GRAMD4: variants seen among roughly 807,000 people sequenced by gnomAD.
GRAMD4 encodes GRAM domain-containing protein 4.
In GRAMD4, 25 loss-of-function variants were observed where a neutral mutation model predicts 83.9. The ratio of observed to expected loss-of-function variants is 0.30; its 90% CI spans 0.22 to 0.42. The LOEUF (loss-of-function observed/expected upper bound fraction) is 0.42. Ranked by LOEUF, GRAMD4 falls within the 10% of genes least tolerant of loss-of-function variation. The probability of loss-of-function intolerance (pLI) is 1.00; values close to 1 mark genes in which losing one functional copy is unlikely to be tolerated. For missense variants in GRAMD4, 593 were observed against 788.7 expected (o/e 0.75, Z 2.97); for synonymous variants, 336 against 320.9 (o/e 1.05, Z -0.50).
intron 3 of GRAMD4, among the ~76,000 whole-genome samples, chr22:46,639,671 CGTGT>C (rs146371575): frequency 5.8e-4 from 87 of 150,458 alleles, no homozygotes; most frequent in East Asian, 2.0e-4. Context: ...GCAGTATTAC[CGTGT>C]GTGTGTGTGC....
At chr22:46,638,579 C>T (rs1331502770) in intron 3 of GRAMD4, among the ~76,000 whole-genome samples, 1 of 152,230 alleles carries the variant, frequency 6.6e-6, no homozygotes, top group African/African-American at 2.4e-5. Flanking sequence ...CCTGTGTCCT[C>T]CCTGTTGTCC....
At position 46,677,473 on chromosome 22, in the gene GRAMD4, G is replaced by T; in HGVS notation, c.*222G>T. On this transcript the variant is annotated 3_prime_UTR_variant, in exon 19 of 19. Transcript: ENST00000406902. ...GCCCCTCTCCCACAGGGCACGTCAG[G>T]TGCCTCTGAGGGCCACCCGCAGACT... 3 of 1,312,418 alleles carry T rather than the reference G, an allele frequency of 2.3e-6. No individual in the cohort carries two copies. Among genetic ancestry groups the T allele is most frequent in the Non-Finnish European group, 1.9e-6 (2 of 1,028,546 alleles). 81.3% of individuals were successfully genotyped at this position (1,312,418 alleles called of 1,614,324 possible). A position where few individuals can be genotyped will look rare whatever the true frequency, so the allele number is the denominator to read the frequency against.
rs2082351275 is a variant in GRAMD4 at position 46,662,986 on chromosome 22, CA to C, written c.467-53del. On this transcript the variant is annotated intron_variant, in intron 5 of 18. Transcript: ENST00000406902. ...TGCCCTGAGATCCCGGAGCCGACCC[CA>C]GAACAGGCAGTGCAGCCCTGCCGTG... 2.6e-6 allele frequency: 4 copies of C among 1,526,762 alleles called. No homozygotes were observed. The South Asian group carries it at 3.7e-5, about 14-fold the overall frequency. The allele number at this position is 1,526,762 out of a possible 1,614,324, so 94.6% of individuals were successfully genotyped here. A position where few individuals can be genotyped will look rare whatever the true frequency, so the allele number is the denominator to read the frequency against.
At chr22:46,626,400 T>C (rs2081659975) in intron 1 of GRAMD4, among the ~76,000 whole-genome samples, 1 of 151,846 alleles carries the variant, frequency 6.6e-6, no homozygotes, top group African/African-American at 2.4e-5. Flanking sequence ...CTGAGAACCC[T>C]GGCTTCCTTC....
intron 1 of GRAMD4, among the ~76,000 whole-genome samples, chr22:46,597,697 G>A (rs1454653866): frequency 6.6e-6 from 1 of 151,996 alleles, no homozygotes; most frequent in East Asian, 1.9e-4. Flanking sequence ...CACCGTGTTA[G>A]CCAGGATGGT....
Position 46,661,505 on chromosome 22 carries a change from G to A in GRAMD4, c.466+63G>A, listed in dbSNP as rs1337347744. 3 of 1,129,660 alleles carry A rather than the reference G, an allele frequency of 2.7e-6. No homozygotes were observed. In the African/African-American group the frequency reaches 4.5e-5, roughly 17 times the overall value. 70.0% of individuals were successfully genotyped at this position (1,129,660 alleles called of 1,614,324 possible). A position where few individuals can be genotyped will look rare whatever the true frequency, so the allele number is the denominator to read the frequency against. On this transcript the variant is annotated intron_variant, in intron 5 of 18. Coordinates refer to ENST00000406902, the MANE Select transcript of GRAMD4 (RefSeq NM_015124.5). The stretch of plus-strand genomic sequence containing the variant: ...GGTGGGTGGCTGCGCGTCACCTGCT[G>A]GTTCTGTAGGCCCAGGTTAACAATG...
chr22:46,641,043 A>G (rs1036761799), intron 3 of GRAMD4, among the ~76,000 whole-genome samples: 1 of 150,534 alleles, frequency 6.6e-6, no homozygotes, highest in Admixed American at 6.6e-5. Context: ...TCCAGCCCGG[A>G]TGACAGAGCG....
intron 15 of GRAMD4, 22 bp downstream of exon 15, chr22:46,673,836 G>A: frequency 6.2e-7 from 1 of 1,611,778 alleles, no homozygotes; most frequent in Non-Finnish European, 8.5e-7. Context: ...GTGAGTCTGA[G>A]GCCAGGCCGA....
intron 13 of GRAMD4, among the ~76,000 whole-genome samples, chr22:46,670,029 T>C (rs2082478223): frequency 6.6e-6 from 1 of 152,236 alleles, no homozygotes; most frequent in South Asian, 2.1e-4. Flanking sequence ...GGGACTCGCC[T>C]GAGCCCACGC....
At chr22:46,613,531 C>T (rs752871722) in intron 1 of GRAMD4, among the ~76,000 whole-genome samples, 1 of 152,218 alleles carries the variant, frequency 6.6e-6, no homozygotes, top group Non-Finnish European at 1.5e-5. Flanking sequence ...GTTTTGGGTC[C>T]TCCAGGCAGG....
intron 3 of GRAMD4, among the ~76,000 whole-genome samples, chr22:46,656,809 C>T (rs986183917): frequency 2.0e-5 from 3 of 152,248 alleles, no homozygotes; most frequent in Admixed American, 6.5e-5. Flanking sequence ...TCTCCTGCTG[C>T]CATTGCCATT....
At chr22:46,612,676 G>A (rs1404500077) in intron 1 of GRAMD4, among the ~76,000 whole-genome samples, 1 of 152,254 alleles carries the variant, frequency 6.6e-6, no homozygotes, top group African/African-American at 2.4e-5. Flanking sequence ...CCGAGGGTTA[G>A]GACTGGCTTG....
chr22:46,579,405 G>T (rs1252584157), intron 1 of GRAMD4, among the ~76,000 whole-genome samples: 1 of 152,228 alleles, frequency 6.6e-6, no homozygotes, highest in Admixed American at 6.5e-5. Context: ...CTGTAGAATA[G>T]AATAGAATAG....
At chr22:46,675,699 G>A (rs2082586859) in intron 17 of GRAMD4, 147 bp downstream of exon 17, 7 of 647,136 alleles carry the variant, frequency 1.1e-5, no homozygotes, top group Non-Finnish European at 1.7e-5. Context: ...CCGTTTCCTT[G>A]ACTTGAGTCC....
At chr22:46,603,954 T>G (rs1488384518) in intron 1 of GRAMD4, among the ~76,000 whole-genome samples, 1 of 152,226 alleles carries the variant, frequency 6.6e-6, no homozygotes, top group Non-Finnish European at 1.5e-5. Flanking sequence ...TGGTCTAATC[T>G]GAATTTATTT....
chr22:46,577,584 GA>G (rs1349320405), intron 1 of GRAMD4, among the ~76,000 whole-genome samples: 1 of 151,894 alleles, frequency 6.6e-6, no homozygotes, highest in Admixed American at 6.5e-5. Flanking sequence ...GCGGGGCCCG[GA>G]CTGGGGTGGG....
intron 2 of GRAMD4, among the ~76,000 whole-genome samples, chr22:46,633,240 G>A (rs919260457): frequency 9.8e-5 from 15 of 152,358 alleles, no homozygotes; most frequent in Admixed American, 4.6e-4. Context: ...CCGCCCGTGG[G>A]CCTTCCTCCC....
At position 46,668,905 on chromosome 22, in the gene GRAMD4, G is replaced by A. The variant is rs768159196; in HGVS notation, c.1081G>A (p.Val361Met). The change falls in exon 13 of 19, where the codon GTG (valine) becomes ATG (methionine). Residue 361 changes from valine (V) to methionine (M), a missense_variant. By Grantham distance (21) the Val-to-Met change is conservative. Transcript: ENST00000406902. Reference protein sequence around the residue: ...FFPYRLVGLAVGLYAGIKFFL... With the variant: ...FFPYRLVGLAMGLYAGIKFFL... ...CCCCTACCGCCTGGTGGGGCTTGCC[G>A]TGGGTAAGTAGATGCACCTGCGGCC... 64 of 1,590,130 alleles carry A rather than the reference G, an allele frequency of 4.0e-5. No homozygotes were observed. In the East Asian group the frequency reaches 1.1e-3, roughly 27 times the overall value.
chr22:46,650,120 C>T (rs1224270373), intron 3 of GRAMD4, among the ~76,000 whole-genome samples: 1 of 152,224 alleles, frequency 6.6e-6, no homozygotes, highest in Non-Finnish European at 1.5e-5. Flanking sequence ...ATTCTGAGTT[C>T]GCGCCCCTGG....
Sources: gnomAD v4.1 joint callset for allele counts (sites outside exome capture counted in the v4.1 genomes callset) on GRCh38, gnomAD v4.1.1 for gene constraint, MANE v1.5 for transcripts, NCBI Gene and HGNC (gene_info 2026-07-23, HGNC 2026-07-21) for gene names.